FSTL4: variants seen among roughly 807,000 people sequenced by gnomAD.
The protein encoded by FSTL4 is follistatin-related protein 4.
Under a neutral mutation model 78.2 loss-of-function variants are expected in FSTL4, and 28 were observed. The ratio of observed to expected loss-of-function variants is 0.36; its 90% CI spans 0.27 to 0.49. The LOEUF (loss-of-function observed/expected upper bound fraction) is 0.49, where lower values mean the gene tolerates loss of function less well. Among genes scored for constraint, FSTL4 ranks in the 20% least tolerant of loss-of-function variants. The probability of loss-of-function intolerance (pLI) is 0.98; values close to 1 mark genes in which losing one functional copy is unlikely to be tolerated. For synonymous variants in FSTL4, 422 were observed against 440.5 expected (o/e 0.96, Z 0.53); for missense variants, 922 against 1,084.9 (o/e 0.85, Z 2.11).
At chr5:133,579,406 A>G (rs1220102373) in intron 2 of FSTL4, among the ~76,000 whole-genome samples, 1 of 152,230 alleles carries the variant, frequency 6.6e-6, no homozygotes, top group Non-Finnish European at 1.5e-5. Context: ...ACACAGGGAC[A>G]GCCTGTGATG....
intron 3 of FSTL4, among the ~76,000 whole-genome samples, chr5:133,481,908 C>A (rs973178715): frequency 1.3e-5 from 2 of 152,196 alleles, no homozygotes; most frequent in African/African-American, 2.4e-5. Flanking sequence ...CATACCCCAA[C>A]AAAAACCATG....
intron 3 of FSTL4, among the ~76,000 whole-genome samples, chr5:133,473,621 A>G (rs1757869752): frequency 6.6e-6 from 1 of 152,230 alleles, no homozygotes; most frequent in African/African-American, 2.4e-5. Flanking sequence ...AATCTCTAAG[A>G]AAGGTGTAAT....
At chr5:133,533,130 T>C (rs1044966769) in intron 3 of FSTL4, among the ~76,000 whole-genome samples, 8 of 152,204 alleles carry the variant, frequency 5.3e-5, no homozygotes, top group Non-Finnish European at 1.0e-4. Flanking sequence ...ATAATCCTCA[T>C]GGTCATGATG....
At chr5:133,245,316 G>T (rs7716496) in intron 7 of FSTL4, among the ~76,000 whole-genome samples, 59,238 of 151,764 alleles carry the variant, frequency 0.39, 13,459 homozygotes, top group East Asian at 0.65. Flanking sequence ...CCTCTGTTAT[G>T]TGAACTCCCT....
chr5:133,471,704 C>T (rs990717196), intron 3 of FSTL4, among the ~76,000 whole-genome samples: 1 of 152,190 alleles, frequency 6.6e-6, no homozygotes, highest in Admixed American at 6.5e-5. Context: ...TGGACTAACA[C>T]AGGGATGATC....
intron 3 of FSTL4, among the ~76,000 whole-genome samples, chr5:133,431,847 A>G (rs1480292851): frequency 6.6e-6 from 1 of 152,216 alleles, no homozygotes; most frequent in Non-Finnish European, 1.5e-5. Context: ...AATTGTATTC[A>G]GGGTCCAGAA....
chr5:133,592,619 T>C (rs374638), intron 2 of FSTL4, among the ~76,000 whole-genome samples: 17,933 of 152,156 alleles, frequency 0.12, 1,507 homozygotes, highest in African/African-American at 0.24. Context: ...TGGAGGTGTC[T>C]GAGTCATGGA....
At chr5:133,439,106 G>C (rs1344021697) in intron 3 of FSTL4, among the ~76,000 whole-genome samples, 1 of 152,150 alleles carries the variant, frequency 6.6e-6, no homozygotes, top group Non-Finnish European at 1.5e-5. Flanking sequence ...TAATAGCTTG[G>C]GATGAAGTGA....
chr5:133,373,988 T>C (rs1291588379), intron 4 of FSTL4, among the ~76,000 whole-genome samples: 1 of 152,184 alleles, frequency 6.6e-6, no homozygotes, highest in African/African-American at 2.4e-5. Flanking sequence ...GCAGCACAGA[T>C]GTGAGGGCTA....
intron 3 of FSTL4, among the ~76,000 whole-genome samples, chr5:133,527,310 C>T (rs992220165): frequency 1.3e-5 from 2 of 152,206 alleles, no homozygotes; most frequent in African/African-American, 4.8e-5. Context: ...TCCAAGAAGA[C>T]TGGTGAAGCT....
intron 3 of FSTL4, among the ~76,000 whole-genome samples, chr5:133,517,421 T>A (rs1480276255): frequency 1.4e-4 from 1 of 7,218 alleles, no homozygotes; most frequent in Non-Finnish European, 2.2e-4. Context: ...AGACTCCATC[T>A]CAAAAAAAAA....
At chr5:133,552,469 G>C (rs1009104785) in intron 3 of FSTL4, among the ~76,000 whole-genome samples, 28 of 152,192 alleles carry the variant, frequency 1.8e-4, no homozygotes, top group African/African-American at 6.8e-4. Flanking sequence ...TGTGGGCCCA[G>C]GGTTATCAAA....
chr5:133,703,366 C>T, the FSTL4 span, among the ~76,000 whole-genome samples: 1 of 152,138 alleles, frequency 6.6e-6, no homozygotes, highest in Non-Finnish European at 1.5e-5. Flanking sequence ...GAGGAGAAAG[C>T]ATTTACAAAG....
intron 3 of FSTL4, among the ~76,000 whole-genome samples, chr5:133,517,608 TTG>T (rs34680612): frequency 1.5e-4 from 21 of 139,466 alleles, no homozygotes; most frequent in Admixed American, 3.6e-4. Context: ...ATAGAACTAA[TTG>T]TGTGTGTGTG....
At chr5:133,410,042 C>T (rs1756447625) in intron 3 of FSTL4, among the ~76,000 whole-genome samples, 1 of 152,206 alleles carries the variant, frequency 6.6e-6, no homozygotes, top group Non-Finnish European at 1.5e-5. Context: ...TACAATAAAA[C>T]TGCACAAACC....
At chr5:133,207,013 A>G (rs1284440468) in intron 14 of FSTL4, among the ~76,000 whole-genome samples, 2 of 152,142 alleles carry the variant, frequency 1.3e-5, no homozygotes, top group African/African-American at 4.8e-5. Flanking sequence ...TATATCCAGG[A>G]ATGTTTTCTT....
chr5:133,735,401 T>C, the FSTL4 span, among the ~76,000 whole-genome samples: 2 of 152,050 alleles, frequency 1.3e-5, no homozygotes, highest in African/African-American at 4.8e-5. Flanking sequence ...GAGTCAGAGG[T>C]TGCAGTGAGC....
At chr5:133,288,800 G>A (rs1016683431) in intron 6 of FSTL4, among the ~76,000 whole-genome samples, 5 of 152,224 alleles carry the variant, frequency 3.3e-5, no homozygotes, top group Non-Finnish European at 5.9e-5. Context: ...GCTGGACAGC[G>A]CTGGAGGGGG....
the FSTL4 span, among the ~76,000 whole-genome samples, chr5:133,634,428 G>C: frequency 6.6e-5 from 10 of 150,936 alleles, no homozygotes; most frequent in South Asian, 2.1e-3. Context: ...GGCATTTCCA[G>C]ATTGCTGCCT....
Sources: allele counts gnomAD v4.1 joint callset (sites outside exome capture counted in the v4.1 genomes callset), GRCh38; gene constraint gnomAD v4.1.1; transcripts MANE v1.5; gene names NCBI Gene and HGNC (gene_info 2026-07-23, HGNC 2026-07-21).